FGF12: variants seen among roughly 807,000 people sequenced by gnomAD.
FGF12 encodes fibroblast growth factor 12.
In FGF12, 14 loss-of-function variants were observed where a neutral mutation model predicts 23.6. The observed-to-expected ratio is 0.59, with a 90% CI of 0.39 to 0.93. The LOEUF (loss-of-function observed/expected upper bound fraction) is 0.93, where lower values mean the gene tolerates loss of function less well. Among genes scored for constraint, FGF12 ranks in the 40% least tolerant of loss-of-function variants. The pLI is 0.00. For synonymous variants in FGF12, 62 were observed against 77.3 expected (o/e 0.80, Z 1.04); for missense variants, 175 against 217.8 (o/e 0.80, Z 1.24).
rs576740601 is a variant in FGF12 at position 192,433,071 on chromosome 3, C to CAG, written c.14-72534_14-72533insCT. Among the ~76,000 whole-genome samples the CAG allele has an allele frequency of 1.6e-3, 247 of 152,226 alleles. 1 individual carries two copies. Among genetic ancestry groups the CAG allele is most frequent in the Non-Finnish European group, 3.0e-3 (207 of 68,024 alleles). On this transcript the variant is annotated intron_variant, in intron 2 of 5. Coordinates refer to ENST00000445105, the MANE Select transcript of FGF12 (RefSeq NM_004113.6). ...TCAATCTCCTCCCACCCCCTCGCTC[C>CAG]AACGCACACATATGTTCTATCCAGG...
chr3:192,710,985 A>G (rs1718647155), intron 2 of FGF12, among the ~76,000 whole-genome samples: 1 of 152,188 alleles, frequency 6.6e-6, no homozygotes, highest in African/African-American at 2.4e-5. Context: ...TCCACAGTGA[A>G]AAGCCCACCA....
chr3:192,369,760 C>G (rs772131284), intron 2 of FGF12, among the ~76,000 whole-genome samples: 1 of 152,178 alleles, frequency 6.6e-6, no homozygotes, highest in East Asian at 1.9e-4. Flanking sequence ...GAGTAAGATG[C>G]AATTCCTGCC....
At chr3:192,222,596 C>T (rs1188070068) in intron 4 of FGF12, among the ~76,000 whole-genome samples, 1 of 152,092 alleles carries the variant, frequency 6.6e-6, no homozygotes, top group African/African-American at 2.4e-5. Context: ...GAAAATATGT[C>T]TCTCCTCCAC....
At chr3:192,214,200 T>G (rs1220680811) in intron 4 of FGF12, among the ~76,000 whole-genome samples, 7 of 152,236 alleles carry the variant, frequency 4.6e-5, no homozygotes, top group African/African-American at 1.7e-4. Flanking sequence ...TTGTTTATTC[T>G]TCACAATAAC....
intron 4 of FGF12, among the ~76,000 whole-genome samples, chr3:192,308,434 T>C (rs1271647339): frequency 6.6e-6 from 1 of 152,116 alleles, no homozygotes; most frequent in East Asian, 1.9e-4. Context: ...TCCCAGCATT[T>C]TGGGAGGCCG....
Position 192,573,636 on chromosome 3 carries a change from T to TAATA in FGF12, c.13+153541_13+153544dup, listed in dbSNP as rs938382703. Among the ~76,000 whole-genome samples, 8 of 152,048 alleles carry TAATA rather than the reference T, an allele frequency of 5.3e-5. No individual in the cohort carries two copies. In the South Asian group the frequency reaches 6.2e-4, roughly 12 times the overall value. ...AATAATCACATGAGCCAATTTCTTA[T>TAATA]AATAAATAAATAAATAAATAAAAAT... On this transcript the variant is annotated intron_variant, in intron 2 of 5. Transcript: ENST00000445105.
intron 4 of FGF12, among the ~76,000 whole-genome samples, chr3:192,326,735 A>T (rs1402235244): frequency 1.3e-5 from 2 of 152,236 alleles, no homozygotes; most frequent in African/African-American, 4.8e-5. Flanking sequence ...ATGTTGGAAC[A>T]CTGTAGTATG....
chr3:192,399,073 G>A (rs531122997), intron 2 of FGF12, among the ~76,000 whole-genome samples: 12 of 152,046 alleles, frequency 7.9e-5, no homozygotes, highest in African/African-American at 2.9e-4. Flanking sequence ...ATATGATGAT[G>A]CAGCTCAGTT....
At chr3:192,404,177 G>A (rs1720871585) in intron 2 of FGF12, among the ~76,000 whole-genome samples, 1 of 152,014 alleles carries the variant, frequency 6.6e-6, no homozygotes, top group Non-Finnish European at 1.5e-5. Flanking sequence ...TTCATGTTCT[G>A]GTTTGAGGTA....
intron 2 of FGF12, among the ~76,000 whole-genome samples, chr3:192,523,811 G>A (rs893208449): frequency 2.6e-5 from 4 of 152,202 alleles, no homozygotes; most frequent in African/African-American, 9.7e-5. Context: ...GAGATGGATA[G>A]AGAAATGTGA....
intron 2 of FGF12, among the ~76,000 whole-genome samples, chr3:192,586,715 C>T (rs1331971403): frequency 1.3e-5 from 2 of 152,160 alleles, no homozygotes; most frequent in East Asian, 3.9e-4. Context: ...TTCATCCTCT[C>T]ATTTTTGTAG....
chr3:192,422,225 A>T (rs914400077), intron 2 of FGF12, among the ~76,000 whole-genome samples: 1 of 152,140 alleles, frequency 6.6e-6, no homozygotes, highest in Non-Finnish European at 1.5e-5. Context: ...CTGAATTTTT[A>T]TTCTGATGTT....
chr3:192,567,757 C>T (rs1712379756), intron 2 of FGF12, among the ~76,000 whole-genome samples: 1 of 128,224 alleles, frequency 7.8e-6, no homozygotes, highest in African/African-American at 2.8e-5. Flanking sequence ...TTCTTTCTTT[C>T]TTTCTTTCTT....
chr3:192,438,398 A>G (rs1722092856), intron 2 of FGF12, among the ~76,000 whole-genome samples: 1 of 152,256 alleles, frequency 6.6e-6, no homozygotes. Flanking sequence ...TGGAGAAGGT[A>G]TAAATGGATA....
In FGF12 at chr3:192,561,214, A is replaced by G. The variant is rs1712005729; in HGVS notation, c.13+165967T>C. Among the ~76,000 whole-genome samples, 4 of 152,174 alleles carry G rather than the reference A, an allele frequency of 2.6e-5. No homozygotes were observed. The South Asian group carries it at 6.2e-4, about 24-fold the overall frequency. On this transcript the variant is annotated intron_variant, in intron 2 of 5. Transcript: ENST00000445105. ...AACACACATTCTGCAAATCAATAAT[A>G]AAAAGACAACACAAATTTTAAAATA...
chr3:192,405,509 T>C (rs1720922904), intron 2 of FGF12, among the ~76,000 whole-genome samples: 1 of 151,192 alleles, frequency 6.6e-6, no homozygotes, highest in South Asian at 2.1e-4. Context: ...TGGAAATTCT[T>C]TATCAGGACA....
At position 192,552,480 on chromosome 3, in the gene FGF12, A is replaced by G. The variant is rs9853600; in HGVS notation, c.13+174701T>C. Among the ~76,000 whole-genome samples the G allele has an allele frequency of 1.5e-3, 221 of 152,340 alleles. 1 individual carries two copies. Among genetic ancestry groups the G allele is most frequent in the African/African-American group, 5.2e-3 (215 of 41,586 alleles). On this transcript the variant is annotated intron_variant, in intron 2 of 5. Transcript: ENST00000445105. ...TGTAAATAGAAAACCTTGACTGAGT[A>G]TATTATAATCAAAGTGCTGAAAGAT... is the stretch of plus-strand genomic sequence containing the variant.
intron 5 of FGF12, among the ~76,000 whole-genome samples, chr3:192,148,918 A>C (rs1320135239): frequency 6.6e-6 from 1 of 152,184 alleles, no homozygotes; most frequent in Admixed American, 6.5e-5. Flanking sequence ...CAATGTAGCT[A>C]GTCCTAATTC....
intron 2 of FGF12, among the ~76,000 whole-genome samples, chr3:192,431,408 T>G (rs918263068): frequency 4.6e-5 from 7 of 152,176 alleles, no homozygotes; most frequent in African/African-American, 7.2e-5. Context: ...AAAGCTGTAT[T>G]AAAAAGAAAA....
Sources: gnomAD v4.1 joint callset for allele counts (sites outside exome capture counted in the v4.1 genomes callset) on GRCh38, gnomAD v4.1.1 for gene constraint, MANE v1.5 for transcripts, NCBI Gene and HGNC (gene_info 2026-07-23, HGNC 2026-07-21) for gene names.